SORCS1: variants seen among roughly 807,000 people sequenced by gnomAD.
The protein encoded by SORCS1 is sortilin related VPS10 domain containing receptor 1.
A neutral mutation model predicts 146.1 loss-of-function variants in SORCS1; 60 were observed. The observed-to-expected ratio is 0.41, with a 90% confidence interval of 0.33 to 0.51. The LOEUF (loss-of-function observed/expected upper bound fraction) is 0.51. SORCS1 is among the 20% of genes least tolerant of loss of function. The pLI, the probability that SORCS1 is intolerant of heterozygous loss-of-function variation, is 0.21. For missense variants in SORCS1, 1,352 were observed against 1,487.6 expected (o/e 0.91, Z 1.50); for synonymous variants, 637 against 584.0 (o/e 1.09, Z -1.31).
chr10:107,098,064 G>A (rs1964658029), intron 1 of SORCS1, among the ~76,000 whole-genome samples: 1 of 152,140 alleles, frequency 6.6e-6, no homozygotes, highest in South Asian at 2.1e-4. Flanking sequence ...CCTTGTGCAG[G>A]TCATGTCTTA....
chr10:106,842,767 C>T (rs1949106983), intron 2 of SORCS1, among the ~76,000 whole-genome samples: 1 of 151,770 alleles, frequency 6.6e-6, no homozygotes, highest in African/African-American at 2.4e-5. Context: ...GCATGTGTCA[C>T]CATGCCCGGC....
At chr10:106,840,739 A>G (rs568561384) in intron 2 of SORCS1, among the ~76,000 whole-genome samples, 1 of 151,694 alleles carries the variant, frequency 6.6e-6, no homozygotes, top group South Asian at 2.1e-4. Flanking sequence ...AAATTGCCAG[A>G]GCCACCTTAA....
intron 1 of SORCS1, among the ~76,000 whole-genome samples, chr10:106,993,782 G>A (rs1004188228): frequency 1.3e-5 from 2 of 152,000 alleles, no homozygotes; most frequent in Non-Finnish European, 2.9e-5. Context: ...ATATATAGAA[G>A]GGAAAATGAG....
chr10:106,683,303 T>A (rs1372351648), intron 10 of SORCS1, among the ~76,000 whole-genome samples: 1 of 152,244 alleles, frequency 6.6e-6, no homozygotes, highest in Non-Finnish European at 1.5e-5. Flanking sequence ...CTTGTCTAAC[T>A]GAAACATTGT....
chr10:106,743,306 G>A (rs1235905956), intron 5 of SORCS1, among the ~76,000 whole-genome samples: 6 of 152,192 alleles, frequency 3.9e-5, no homozygotes, highest in East Asian at 1.9e-4. Flanking sequence ...GACTTTCTTC[G>A]CTATGACTAT....
chr10:107,077,474 A>G (rs1486514488), intron 1 of SORCS1, among the ~76,000 whole-genome samples: 2 of 151,304 alleles, frequency 1.3e-5, no homozygotes. Flanking sequence ...TTTTTTTTAG[A>G]TGTTTACATA....
At chr10:106,961,986 C>T (rs1269248965) in intron 1 of SORCS1, among the ~76,000 whole-genome samples, 3 of 152,168 alleles carry the variant, frequency 2.0e-5, no homozygotes, top group East Asian at 3.8e-4. Flanking sequence ...AAGAACCCTC[C>T]CAAGCTAAGC....
At chr10:107,040,342 C>T (rs1033013954) in intron 1 of SORCS1, among the ~76,000 whole-genome samples, 1 of 152,112 alleles carries the variant, frequency 6.6e-6, no homozygotes, top group African/African-American at 2.4e-5. Flanking sequence ...CCTTTATTGA[C>T]TTTGGGTTGC....
intron 2 of SORCS1, among the ~76,000 whole-genome samples, chr10:106,954,495 T>C (rs958558878): frequency 3.9e-5 from 6 of 152,214 alleles, no homozygotes; most frequent in African/African-American, 1.4e-4. Flanking sequence ...CCAGGGACTA[T>C]ATCCAGAACT....
intron 3 of SORCS1, among the ~76,000 whole-genome samples, chr10:106,799,414 C>A (rs821998): frequency 0.34 from 51,912 of 151,976 alleles, 9,127 homozygotes; most frequent in Non-Finnish European, 0.38. Flanking sequence ...TCTGCACAGC[C>A]AAAGAAACTA....
At chr10:107,019,030 T>G (rs1355836840) in intron 1 of SORCS1, among the ~76,000 whole-genome samples, 1 of 152,220 alleles carries the variant, frequency 6.6e-6, no homozygotes, top group Non-Finnish European at 1.5e-5. Context: ...TGAGCCTTGT[T>G]TTTTTGCATC....
intron 4 of SORCS1, among the ~76,000 whole-genome samples, chr10:106,762,585 G>A (rs1425043874): frequency 4.0e-5 from 6 of 151,194 alleles, no homozygotes; most frequent in African/African-American, 1.5e-4. Flanking sequence ...TTTTAGTAGA[G>A]ATGGGGTTTC....
chr10:106,775,571 C>T (rs1860369217), intron 4 of SORCS1, among the ~76,000 whole-genome samples: 1 of 152,164 alleles, frequency 6.6e-6, no homozygotes, highest in Non-Finnish European at 1.5e-5. Flanking sequence ...CAAACCCAGA[C>T]AAATGAAACC....
chr10:106,842,547 G>A (rs12258314), intron 2 of SORCS1, among the ~76,000 whole-genome samples: 5,797 of 151,630 alleles, frequency 0.038, 297 homozygotes, highest in East Asian at 0.24. Context: ...TCTTTCATGA[G>A]ATGTCTGTTC....
At chr10:106,634,627 A>G (rs1848626563) in intron 18 of SORCS1, among the ~76,000 whole-genome samples, 1 of 152,196 alleles carries the variant, frequency 6.6e-6, no homozygotes, top group Admixed American at 6.5e-5. Flanking sequence ...AAGATAAAGC[A>G]TTATTTTCTT....
At chr10:107,089,672 A>G (rs966584129) in intron 1 of SORCS1, among the ~76,000 whole-genome samples, 4 of 152,238 alleles carry the variant, frequency 2.6e-5, no homozygotes, top group Admixed American at 6.5e-5. Flanking sequence ...ATAACCTAAC[A>G]AAAAGACAAA....
chr10:106,749,403 G>A (rs1857984415), intron 5 of SORCS1, among the ~76,000 whole-genome samples: 1 of 152,110 alleles, frequency 6.6e-6, no homozygotes, highest in Non-Finnish European at 1.5e-5. Flanking sequence ...AGCTATGCAG[G>A]GAAAATATCC....
chr10:107,082,884 T>A (rs778047245), intron 1 of SORCS1, among the ~76,000 whole-genome samples: 7 of 151,836 alleles, frequency 4.6e-5, no homozygotes, highest in Admixed American at 2.0e-4. Context: ...GCTTGGCAGA[T>A]CACAAGGTCA....
chr10:106,993,695 AT>A (rs1956868978), intron 1 of SORCS1, among the ~76,000 whole-genome samples: 1 of 152,186 alleles, frequency 6.6e-6, no homozygotes, highest in African/African-American at 2.4e-5. Flanking sequence ...GGGAAAAAAA[AT>A]ATTCTTTTAA....
Sources: gnomAD v4.1 joint callset for allele counts (sites outside exome capture counted in the v4.1 genomes callset) on GRCh38, gnomAD v4.1.1 for gene constraint, MANE v1.5 for transcripts, NCBI Gene and HGNC (gene_info 2026-07-23, HGNC 2026-07-21) for gene names.